RTTN: variants seen among roughly 807,000 people sequenced by gnomAD.
RTTN encodes the protein rotatin.
In RTTN, 182 loss-of-function variants were observed where a neutral mutation model predicts 269.2. That is an observed-to-expected ratio of 0.68 (90% CI 0.60 to 0.76). The LOEUF is 0.76. RTTN is among the 30% of genes least tolerant of loss of function. The pLI is 0.00. For synonymous variants in RTTN, 1,006 were observed against 963.5 expected (o/e 1.04, Z -0.82); for missense variants, 2,545 against 2,608.6 (o/e 0.98, Z 0.53).
intron 34 of RTTN, among the ~76,000 whole-genome samples, chr18:70,069,039 T>G (rs1279022631): frequency 6.6e-6 from 1 of 152,140 alleles, no homozygotes; most frequent in Admixed American, 6.6e-5. Context: ...AGATGTTTGG[T>G]CAAAGAGTGC....
At chr18:70,173,177 T>C (rs973122376) in intron 11 of RTTN, among the ~76,000 whole-genome samples, 18 of 152,290 alleles carry the variant, frequency 1.2e-4, no homozygotes, top group African/African-American at 3.4e-4. Context: ...TGATAATACA[T>C]TGTGTATATA....
rs117031052 is a variant in RTTN, at chr18:70,187,812, G to A, written c.1305+296C>T. ...ATAAGAAAAATAGCAATAAACTCAC[G>A]ATCTTTAAAAATACGTATTTCCTAA... On this transcript the variant is annotated intron_variant, in intron 10 of 48. Transcript: ENST00000640769. Among the ~76,000 whole-genome samples the A allele has an allele frequency of 6.0e-3, 906 of 152,180 alleles. 3 individuals are homozygous for A. The highest frequency in any genetic ancestry group is 0.01 in the Middle Eastern group (3 of 294).
chr18:70,111,044 T>C (rs1329649406), intron 27 of RTTN, among the ~76,000 whole-genome samples: 1 of 152,202 alleles, frequency 6.6e-6, no homozygotes, highest in Admixed American at 6.5e-5. Flanking sequence ...TCTGAAAAAG[T>C]GGCAGCAACC....
At chr18:70,101,381 T>C (rs1378399338) in intron 28 of RTTN, among the ~76,000 whole-genome samples, 1 of 152,210 alleles carries the variant, frequency 6.6e-6, no homozygotes, top group Admixed American at 6.5e-5. Context: ...TTTATAGTAT[T>C]GTCTGATAGT....
chr18:70,198,352 G>A (rs2061863633), intron 5 of RTTN, among the ~76,000 whole-genome samples: 2 of 151,908 alleles, frequency 1.3e-5, no homozygotes, highest in South Asian at 4.2e-4. Context: ...AGAAATTATC[G>A]CCATCTCTGC....
intron 11 of RTTN, among the ~76,000 whole-genome samples, chr18:70,176,057 TTATATATG>T (rs2145977598): frequency 6.6e-6 from 1 of 152,228 alleles, no homozygotes; most frequent in South Asian, 2.1e-4. Context: ...AGTGTACCAA[TTATATATG>T]TATATATGTA....
intron 32 of RTTN, among the ~76,000 whole-genome samples, chr18:70,076,356 A>C (rs747563683): frequency 2.0e-4 from 31 of 151,988 alleles, no homozygotes; most frequent in Non-Finnish European, 3.8e-4. Context: ...GAAATCTAAG[A>C]GCCAACAGGA....
Position 70,028,637 on chromosome 18 carries a change from AT to A in RTTN, c.5823+86del, listed in dbSNP as rs137968383. The A allele has an allele frequency of 9.3e-3, 6,771 of 730,084 alleles. 375 individuals are homozygous for A. The African/African-American group carries it at 0.11, about 12-fold the overall frequency. 45.2% of individuals were successfully genotyped at this position (730,084 alleles called of 1,614,324 possible). On this transcript the variant is annotated intron_variant, in intron 43 of 48. Transcript: ENST00000640769. ...AAAAATTTAAAAGTCAGAGCTTTCC[AT>A]TTTTCCTACTACATTATCTCACATA...
intron 46 of RTTN, chr18:70,008,349 T>C (rs1416070140): frequency 2.0e-5 from 3 of 152,082 alleles, no homozygotes; most frequent in Non-Finnish European, 4.4e-5. Context: ...AACTCTTCTC[T>C]TCCAAAGGAT....
chr18:70,127,858 A>G (rs560255618), intron 24 of RTTN, 117 bp from the exon 25 acceptor site: 1 of 950,144 alleles, frequency 1.1e-6, no homozygotes, highest in Admixed American at 2.9e-5. Context: ...CTTTTAACAA[A>G]AGGTTGACTT....
At position 70,183,281 on chromosome 18, in the gene RTTN, T is replaced by C. The variant is rs558484375; in HGVS notation, c.1305+4827A>G. On this transcript the variant is annotated intron_variant, in intron 10 of 48. Transcript: ENST00000640769. ...CTGTGGAAGCTGACATGGTTAGGAA[T>C]TGTGGGAGAGCTATGCAAAGAAAGA... 2.6e-4 allele frequency among the ~76,000 whole-genome samples: 40 copies of C among 152,260 alleles called. No individual in the cohort carries two copies. In the South Asian group the frequency reaches 6.2e-3, roughly 24 times the overall value.
At chr18:70,047,834 G>T (rs2057534775) in intron 40 of RTTN, 137 bp downstream of exon 40, 1 of 700,614 alleles carries the variant, frequency 1.4e-6, no homozygotes, top group Non-Finnish European at 2.3e-6. Flanking sequence ...ATAAACTTTT[G>T]TATCATTTAA....
At chr18:70,054,487 C>A (rs2057761190) in intron 37 of RTTN, among the ~76,000 whole-genome samples, 1 of 152,114 alleles carries the variant, frequency 6.6e-6, no homozygotes, top group Admixed American at 6.5e-5. Context: ...GTCAACTATA[C>A]ACCAAACAAA....
In RTTN at chr18:70,120,450, A is replaced by G. The variant is rs144535402; in HGVS notation, c.3528+1106T>C. 3.3e-3 allele frequency among the ~76,000 whole-genome samples: 498 copies of G among 152,354 alleles called. 1 individual carries two copies. The highest frequency in any genetic ancestry group is 0.011 in the African/African-American group (469 of 41,590). On this transcript the variant is annotated intron_variant, in intron 26 of 48. Coordinates refer to ENST00000640769, the MANE Select transcript of RTTN (RefSeq NM_173630.4). ...AGTTAGCATTTCTGACAACACAGTA[A>G]TTCATATTTTTACATAAAATTATCT...
intron 29 of RTTN, 96 bp downstream of exon 29, chr18:70,092,580 T>A: frequency 7.1e-7 from 1 of 1,403,844 alleles, no homozygotes; most frequent in Non-Finnish European, 9.6e-7. Flanking sequence ...AAAGAGACAT[T>A]TTCATGTGGC....
chr18:70,188,355 G>C (rs1218497415), intron 9 of RTTN, 132 bp from the exon 10 acceptor site: 3 of 596,318 alleles, frequency 5.0e-6, no homozygotes, highest in Non-Finnish European at 9.0e-6. Flanking sequence ...AATGTTCTTA[G>C]AACTGTAGAG....
intron 14 of RTTN, among the ~76,000 whole-genome samples, chr18:70,153,177 T>C (rs2060583931): frequency 6.6e-6 from 1 of 152,058 alleles, no homozygotes; most frequent in African/African-American, 2.4e-5. Flanking sequence ...TTCATTGTCT[T>C]TACAACACTA....
At chr18:70,186,292 G>A (rs898719238) in intron 10 of RTTN, among the ~76,000 whole-genome samples, 3 of 152,164 alleles carry the variant, frequency 2.0e-5, no homozygotes, top group African/African-American at 7.2e-5. Flanking sequence ...TGGTCAACAG[G>A]TTCTTGGAAA....
intron 1 of RTTN, 61 bp from the exon 2 acceptor site, chr18:70,205,376 T>C (rs1156289760): frequency 6.3e-7 from 1 of 1,592,626 alleles, no homozygotes; most frequent in East Asian, 2.2e-5. Context: ...ACGTTATTTA[T>C]GCTGTGGGCA....
Sources: allele counts gnomAD v4.1 joint callset (sites outside exome capture counted in the v4.1 genomes callset), GRCh38; gene constraint gnomAD v4.1.1; transcripts MANE v1.5; gene names NCBI Gene and HGNC (gene_info 2026-07-23, HGNC 2026-07-21).